The following KLHL8 variants were observed in gnomAD, a reference collection of about 807,000 sequenced individuals.
KLHL8 encodes the protein kelch like family member 8, also known as kelch-like protein 8.
A neutral mutation model predicts 63.5 loss-of-function variants in KLHL8; 38 were observed. The observed-to-expected ratio is 0.60, with a 90% CI of 0.46 to 0.78. KLHL8 has a LOEUF of 0.78. Among genes scored for constraint, KLHL8 ranks in the 30% least tolerant of loss-of-function variants. KLHL8 has a pLI of 0.00. For synonymous variants in KLHL8, 224 were observed against 254.3 expected (o/e 0.88, Z 1.13); for missense variants, 566 against 752.4 (o/e 0.75, Z 2.90).
chr4:87,232,879 T>C (rs1006054007), intron 1 of KLHL8, among the ~76,000 whole-genome samples: 1 of 152,070 alleles, frequency 6.6e-6, no homozygotes, highest in Non-Finnish European at 1.5e-5. Context: ...CATTTTTCTA[T>C]TAGGTTTTTT....
intron 1 of KLHL8, among the ~76,000 whole-genome samples, chr4:87,218,292 C>T (rs1732677900): frequency 6.6e-6 from 1 of 150,872 alleles, no homozygotes; most frequent in African/African-American, 2.4e-5. Flanking sequence ...GGCTGGAGTG[C>T]AGCTGCGTGA....
At chr4:87,191,014 CT>C (rs1236472853) in intron 2 of KLHL8, among the ~76,000 whole-genome samples, 8 of 152,076 alleles carry the variant, frequency 5.3e-5, no homozygotes, top group African/African-American at 1.9e-4. Context: ...AAAGGAAAAC[CT>C]TTATAAATAA....
chr4:87,191,849 G>A (rs1044580734), intron 2 of KLHL8, among the ~76,000 whole-genome samples: 1 of 149,922 alleles, frequency 6.7e-6, no homozygotes, highest in Non-Finnish European at 1.5e-5. Flanking sequence ...ACTTACAAGT[G>A]GGAACAAGTG....
intron 1 of KLHL8, among the ~76,000 whole-genome samples, chr4:87,202,145 C>G (rs952748698): frequency 3.3e-5 from 5 of 151,628 alleles, no homozygotes; most frequent in African/African-American, 7.3e-5. Flanking sequence ...ATATTCTAAG[C>G]CTTTACTTTC....
At chr4:87,226,941 T>TAATTATATATAAATA (rs1733030233) in intron 1 of KLHL8, among the ~76,000 whole-genome samples, 1 of 47,346 alleles carries the variant, frequency 2.1e-5, no homozygotes, top group Non-Finnish European at 4.0e-5. Context: ...ATATAAATAA[T>TAATTATATATAAATA]ATATATTATA....
chr4:87,164,171 A>C, intron 8 of KLHL8, 92 bp from the exon 9 acceptor site: 1 of 1,192,972 alleles, frequency 8.4e-7, no homozygotes, highest in African/African-American at 1.5e-5. Flanking sequence ...CCAATCTTTT[A>C]AAATCATTTT....
In KLHL8 at chr4:87,183,465, A is replaced by C. The variant is rs957822349; in HGVS notation, c.766-76T>G. 21 of 1,170,270 alleles carry C rather than the reference A, an allele frequency of 1.8e-5. No individual in the cohort carries two copies. In the Admixed American group the frequency reaches 3.4e-4, roughly 19 times the overall value. 72.5% of individuals were successfully genotyped at this position (1,170,270 alleles called of 1,614,324 possible). On this transcript the variant is annotated intron_variant, in intron 3 of 9. Coordinates refer to ENST00000273963, the MANE Select transcript of KLHL8 (RefSeq NM_020803.5). ...AATATAAAGTCTAAAAATTGTATCA[A>C]ATAAAGGTGAAAACAAGATGAGTAA...
upstream of KLHL8, among the ~76,000 whole-genome samples, chr4:87,223,434 A>G (rs1337368670): frequency 6.6e-6 from 1 of 152,194 alleles, no homozygotes; most frequent in Non-Finnish European, 1.5e-5. Flanking sequence ...ATTATCATCT[A>G]TTTATCGAAG....
chr4:87,209,229 T>A (rs1732287372), intron 1 of KLHL8, among the ~76,000 whole-genome samples: 1 of 152,080 alleles, frequency 6.6e-6, no homozygotes, highest in Non-Finnish European at 1.5e-5. Flanking sequence ...GGGAGAAAAA[T>A]AAATGATATT....
At chr4:87,187,979 A>G (rs1415452810) in intron 2 of KLHL8, among the ~76,000 whole-genome samples, 1 of 152,180 alleles carries the variant, frequency 6.6e-6, no homozygotes, top group Non-Finnish European at 1.5e-5. Context: ...TGCTTATAAA[A>G]GCCCCTTCCT....
chr4:87,222,300 T>G (rs1298762015), upstream of KLHL8, among the ~76,000 whole-genome samples: 1 of 152,120 alleles, frequency 6.6e-6, no homozygotes, highest in Non-Finnish European at 1.5e-5. Flanking sequence ...CATTTTCCCC[T>G]AAAAGTCCTT....
Position 87,195,535 on chromosome 4 carries a change from G to C in KLHL8, c.5C>G (p.Ala2Gly). The change falls in exon 2 of 10, where the codon GCT (alanine) becomes GGT (glycine). Residue 2 changes from alanine to glycine, a missense_variant. Ala to Gly is a moderately conservative substitution (Grantham distance 60). Coordinates refer to ENST00000273963, the MANE Select transcript of KLHL8 (RefSeq NM_020803.5). M[A>G]SDSMSSKQAR... ...TTGTTTACTACTCATAGAATCTGAA[G>C]CCATTTGCAATATTCCTCTTTTAAT... 1 of 1,611,922 alleles carries C rather than the reference G, an allele frequency of 6.2e-7. No homozygotes were observed. The highest frequency in any genetic ancestry group is 8.5e-7 in the Non-Finnish European group (1 of 1,179,224).
At chr4:87,188,441 G>A (rs907976984) in intron 2 of KLHL8, among the ~76,000 whole-genome samples, 2 of 152,108 alleles carry the variant, frequency 1.3e-5, no homozygotes, top group East Asian at 3.9e-4. Flanking sequence ...ATCAATGGCC[G>A]GCAAGTCATT....
chr4:87,220,355 G>A (rs1414878059), intron 1 of KLHL8, 63 bp downstream of exon 1: 1 of 152,728 alleles, frequency 6.5e-6, no homozygotes, highest in Non-Finnish European at 1.5e-5. Context: ...GGACGGCACC[G>A]CACAAAGGAA....
At chr4:87,208,259 G>A (rs1039519009) in intron 1 of KLHL8, among the ~76,000 whole-genome samples, 2 of 152,064 alleles carry the variant, frequency 1.3e-5, no homozygotes, top group Admixed American at 1.3e-4. Context: ...ACCTTGTCAT[G>A]TACCATTAAT....
intron 2 of KLHL8, among the ~76,000 whole-genome samples, chr4:87,189,414 G>A (rs1731389321): frequency 6.6e-6 from 1 of 152,178 alleles, no homozygotes; most frequent in Admixed American, 6.5e-5. Context: ...TTCATTAAAT[G>A]ATTCCTTAGA....
chr4:87,202,493 A>G (rs952659959), intron 1 of KLHL8, among the ~76,000 whole-genome samples: 6 of 152,158 alleles, frequency 3.9e-5, no homozygotes, highest in Non-Finnish European at 7.3e-5. Context: ...AAAATCTGCA[A>G]TATCAGAGAC....
intron 1 of KLHL8, among the ~76,000 whole-genome samples, chr4:87,209,369 G>A (rs1234875309): frequency 6.6e-6 from 1 of 151,914 alleles, no homozygotes; most frequent in African/African-American, 2.4e-5. Context: ...GGCATATTAT[G>A]ACAATGAAGC....
At chr4:87,218,442 C>T (rs550456824) in intron 1 of KLHL8, among the ~76,000 whole-genome samples, 1 of 152,044 alleles carries the variant, frequency 6.6e-6, no homozygotes, top group African/African-American at 2.4e-5. Context: ...TGGTCTTGAT[C>T]TCCTGACCTC....
Sources: allele counts gnomAD v4.1 joint callset (sites outside exome capture counted in the v4.1 genomes callset), GRCh38; gene constraint gnomAD v4.1.1; transcripts MANE v1.5; gene names NCBI Gene and HGNC (gene_info 2026-07-23, HGNC 2026-07-21).